MAGI1: variants seen among roughly 807,000 people sequenced by gnomAD.
The protein encoded by MAGI1 is membrane associated guanylate kinase, WW and PDZ domain containing 1.
A neutral mutation model predicts 139.9 loss-of-function variants in MAGI1; 58 were observed. The ratio of observed to expected loss-of-function variants is 0.41; its 90% confidence interval spans 0.34 to 0.52. MAGI1 has a LOEUF of 0.52. Ranked by LOEUF, MAGI1 falls within the 20% of genes least tolerant of loss-of-function variation. The probability of loss-of-function intolerance (pLI) is 0.12; values close to 1 mark genes in which losing one functional copy is unlikely to be tolerated. For synonymous variants in MAGI1, 812 were observed against 737.9 expected (o/e 1.10, Z -1.63); for missense variants, 1,874 against 1,901.6 (o/e 0.99, Z 0.27).
intron 4 of MAGI1, among the ~76,000 whole-genome samples, chr3:65,477,587 A>C (rs1282060110): frequency 6.6e-6 from 1 of 152,054 alleles, no homozygotes; most frequent in Non-Finnish European, 1.5e-5. Flanking sequence ...CTCCTATCTT[A>C]CTCAGCTGTT....
At chr3:66,005,103 T>C (rs561193658) in intron 1 of MAGI1, among the ~76,000 whole-genome samples, 136 of 152,110 alleles carry the variant, frequency 8.9e-4, no homozygotes, top group African/African-American at 3.2e-3. Flanking sequence ...TTTGCCATGT[T>C]AAATGGCTTT....
intron 1 of MAGI1, among the ~76,000 whole-genome samples, chr3:65,943,322 T>C (rs1399337564): frequency 6.6e-6 from 1 of 152,060 alleles, no homozygotes. Flanking sequence ...ACACCTGTAA[T>C]CCCAGCACTT....
chr3:65,641,193 T>C (rs559617909), intron 1 of MAGI1, among the ~76,000 whole-genome samples: 4 of 152,236 alleles, frequency 2.6e-5, no homozygotes, highest in Admixed American at 2.0e-4. Flanking sequence ...CACATGGCTC[T>C]AACAGCAAAA....
At chr3:65,527,071 T>C (rs1168553431) in intron 2 of MAGI1, among the ~76,000 whole-genome samples, 2 of 152,250 alleles carry the variant, frequency 1.3e-5, no homozygotes, top group African/African-American at 4.8e-5. Flanking sequence ...TCTTCTTCCA[T>C]TGGTGATTGT....
chr3:65,597,992 G>A (rs2082306214), intron 2 of MAGI1: 1 of 443,706 alleles, frequency 2.3e-6, no homozygotes, highest in Non-Finnish European at 4.5e-6. Context: ...TGACCACAGA[G>A]CGGTTTTTCG....
intron 12 of MAGI1, among the ~76,000 whole-genome samples, chr3:65,406,289 G>T (rs1160729618): frequency 6.6e-6 from 1 of 151,678 alleles, no homozygotes; most frequent in Non-Finnish European, 1.5e-5. Context: ...TGCCATTTCA[G>T]CACTGAGACA....
chr3:65,606,775 C>G (rs1366648067), intron 2 of MAGI1, among the ~76,000 whole-genome samples: 1 of 152,152 alleles, frequency 6.6e-6, no homozygotes, highest in Non-Finnish European at 1.5e-5. Flanking sequence ...GCCTCAGCCT[C>G]CCAAAGTGCT....
chr3:65,483,041 AG>A (rs1255802225), intron 3 of MAGI1, among the ~76,000 whole-genome samples: 1 of 152,226 alleles, frequency 6.6e-6, no homozygotes, highest in Non-Finnish European at 1.5e-5. Context: ...CTGCAATGCA[AG>A]GGCATAGGCA....
intron 1 of MAGI1, among the ~76,000 whole-genome samples, chr3:65,690,014 T>G (rs945814586): frequency 2.0e-5 from 3 of 152,042 alleles, no homozygotes; most frequent in African/African-American, 7.2e-5. Context: ...TTCAATGAGG[T>G]TGACCCTACT....
chr3:65,399,461 C>T (rs1944676213), intron 13 of MAGI1, among the ~76,000 whole-genome samples: 1 of 152,198 alleles, frequency 6.6e-6, no homozygotes, highest in Non-Finnish European at 1.5e-5. Flanking sequence ...AAATTTTGTA[C>T]AGCAACTGCC....
intron 1 of MAGI1, among the ~76,000 whole-genome samples, chr3:66,010,681 T>G (rs2067279711): frequency 6.6e-6 from 1 of 152,194 alleles, no homozygotes; most frequent in African/African-American, 2.4e-5. Flanking sequence ...CAAATTTTGA[T>G]AAAATCTAAC....
chr3:65,600,834 A>G (rs2082449075), intron 2 of MAGI1, among the ~76,000 whole-genome samples: 1 of 152,242 alleles, frequency 6.6e-6, no homozygotes, highest in African/African-American at 2.4e-5. Context: ...GCTGTGGAAA[A>G]GTGACCACTT....
intron 2 of MAGI1, among the ~76,000 whole-genome samples, chr3:65,525,089 C>G (rs1367314171): frequency 6.6e-6 from 1 of 152,140 alleles, no homozygotes; most frequent in African/African-American, 2.4e-5. Flanking sequence ...CAAACACCTA[C>G]TTGGAATTGC....
intron 5 of MAGI1, among the ~76,000 whole-genome samples, chr3:65,459,830 G>A (rs556649916): frequency 6.6e-6 from 1 of 152,094 alleles, no homozygotes; most frequent in South Asian, 2.1e-4. Context: ...AGGCTGAGGT[G>A]GGAGAATCAC....
chr3:65,950,078 C>CA (rs751496271), intron 1 of MAGI1, among the ~76,000 whole-genome samples: 4 of 40,344 alleles, frequency 9.9e-5, no homozygotes, highest in African/African-American at 6.5e-4. Context: ...AAAAAAAAAA[C>CA]AAAAAAAAAA....
chr3:65,532,635 A>G (rs984392965), intron 2 of MAGI1: 4 of 152,206 alleles, frequency 2.6e-5, no homozygotes, highest in Non-Finnish European at 5.9e-5. Flanking sequence ...GTGTGTTTGG[A>G]AAAATGCAAT....
At chr3:65,433,450 G>A (rs1947607394) in intron 10 of MAGI1, among the ~76,000 whole-genome samples, 1 of 152,096 alleles carries the variant, frequency 6.6e-6, no homozygotes, top group Non-Finnish European at 1.5e-5. Context: ...AAAATCAGAG[G>A]GTTTCACATT....
rs755039176 is a variant in MAGI1, at chr3:65,357,112, C to T, written c.3655G>A (p.Gly1219Ser). The change falls in exon 23 of 23, where the codon GGC (glycine) becomes AGC (serine). Residue 1219 changes from glycine to serine, a missense_variant. Coordinates refer to ENST00000402939, the MANE Select transcript of MAGI1 (RefSeq NM_001033057.2). ...PEYDPSSDRH[G>S]PATGPQGVPE... ...ACACCTTGTGGACCGGTGGCGGGGC[C>T]GTGGCGGTCGCTGCTGGGGTCTGCC... 6 of 1,611,706 alleles carry T rather than the reference C, an allele frequency of 3.7e-6. No individual in the cohort carries two copies. The highest frequency in any genetic ancestry group is 2.2e-5 in the East Asian group (1 of 44,810).
chr3:65,931,064 A>C (rs2062785025), intron 1 of MAGI1, among the ~76,000 whole-genome samples: 1 of 148,586 alleles, frequency 6.7e-6, no homozygotes, highest in African/African-American at 2.4e-5. Context: ...ATAGAGCCTC[A>C]CTCTGTGTCC....
Sources: gnomAD v4.1 joint callset for allele counts (sites outside exome capture counted in the v4.1 genomes callset) on GRCh38, gnomAD v4.1.1 for gene constraint, MANE v1.5 for transcripts, NCBI Gene and HGNC (gene_info 2026-07-23, HGNC 2026-07-21) for gene names.